The following FER variants were observed in gnomAD, a reference collection of about 807,000 sequenced individuals.
FER encodes tyrosine-protein kinase Fer.
In FER, 63 loss-of-function variants were observed where a neutral mutation model predicts 111.0. The ratio of observed to expected loss-of-function variants is 0.57; its 90% confidence interval spans 0.46 to 0.70. FER has a LOEUF of 0.70. Among genes scored for constraint, FER ranks in the 30% least tolerant of loss-of-function variants. The pLI, the probability that FER is intolerant of heterozygous loss-of-function variation, is 0.00. For missense variants in FER, 914 were observed against 954.0 expected (o/e 0.96, Z 0.55); for synonymous variants, 327 against 313.9 (o/e 1.04, Z -0.44).
intron 14 of FER, among the ~76,000 whole-genome samples, chr5:109,041,395 T>C (rs902175654): frequency 6.6e-6 from 1 of 151,748 alleles, no homozygotes; most frequent in Non-Finnish European, 1.5e-5. Flanking sequence ...TAAAAAGTGA[T>C]AGAACCGAAA....
intron 16 of FER, among the ~76,000 whole-genome samples, chr5:109,075,631 G>A (rs1205135485): frequency 6.6e-6 from 1 of 151,886 alleles, no homozygotes; most frequent in Admixed American, 6.6e-5. Flanking sequence ...CACCGTGTTA[G>A]CCAGGATGGT....
At chr5:108,866,479 A>G (rs1764076676) in intron 5 of FER, among the ~76,000 whole-genome samples, 1 of 152,182 alleles carries the variant, frequency 6.6e-6, no homozygotes, top group Non-Finnish European at 1.5e-5. Context: ...AGATATACCT[A>G]ATGTTAAATG....
intron 9 of FER, among the ~76,000 whole-genome samples, chr5:108,893,184 G>C (rs917104118): frequency 1.3e-5 from 2 of 152,064 alleles, no homozygotes; most frequent in African/African-American, 2.4e-5. Flanking sequence ...CTTTAAAGTA[G>C]TTTTTTCCAA....
At chr5:108,773,276 G>A (rs1753126357) in intron 2 of FER, among the ~76,000 whole-genome samples, 1 of 151,994 alleles carries the variant, frequency 6.6e-6, no homozygotes, top group African/African-American at 2.4e-5. Flanking sequence ...TCGCTGCACA[G>A]ATCATCCCAT....
In FER at chr5:108,871,509, C is replaced by T; in HGVS notation, c.803+7C>T. On this transcript the variant is annotated splice_region_variant and intron_variant, in intron 7 of 19. Coordinates refer to ENST00000281092, the MANE Select transcript of FER (RefSeq NM_005246.4). ...ATTTCATAGATGTTCACAGGTATGA[C>T]ATGTTTATTCCTCTTTAAGGATTTA... 6.3e-7 allele frequency: 1 copy of T among 1,586,676 alleles called. No individual in the cohort carries two copies. The highest frequency in any genetic ancestry group is 8.6e-7 in the Non-Finnish European group (1 of 1,163,382).
At chr5:109,030,181 T>G (rs1220902159) in intron 13 of FER, among the ~76,000 whole-genome samples, 1 of 152,176 alleles carries the variant, frequency 6.6e-6, no homozygotes, top group Non-Finnish European at 1.5e-5. Context: ...TTTAATAACT[T>G]CTGTTTCTAT....
In FER at chr5:108,946,081, A is replaced by G. The variant is rs116122651; in HGVS notation, c.1237-49A>G. The G allele has an allele frequency of 2.1e-3, 2,610 of 1,269,752 alleles. 39 individuals are homozygous for G. The African/African-American group carries it at 0.035, about 17-fold the overall frequency. 78.7% of individuals were successfully genotyped at this position (1,269,752 alleles called of 1,614,324 possible). On this transcript the variant is annotated intron_variant, in intron 10 of 19. Transcript: ENST00000281092. ...TACCTAAATACATAAATGTCTATAC[A>G]TATTGGATAGTTTACTGTTGCTGAA...
intron 5 of FER, among the ~76,000 whole-genome samples, chr5:108,867,351 C>T (rs1032309120): frequency 3.3e-5 from 5 of 152,086 alleles, no homozygotes; most frequent in Admixed American, 2.6e-4. Flanking sequence ...CACAAAGCCT[C>T]CTCTGACTAC....
intron 3 of FER, among the ~76,000 whole-genome samples, chr5:108,801,278 C>T (rs2150052351): frequency 6.6e-6 from 1 of 152,286 alleles, no homozygotes; most frequent in Non-Finnish European, 1.5e-5. Flanking sequence ...CATTGAATTG[C>T]CTTTGCATCT....
intron 3 of FER, among the ~76,000 whole-genome samples, chr5:108,817,483 T>C (rs2150093915): frequency 6.6e-6 from 1 of 152,280 alleles, no homozygotes; most frequent in South Asian, 2.1e-4. Context: ...TTTAAAAAAA[T>C]TCAAGCAAAA....
chr5:108,845,123 C>G (rs796709941), intron 5 of FER, among the ~76,000 whole-genome samples: 15 of 135,444 alleles, frequency 1.1e-4, no homozygotes, highest in Admixed American at 3.1e-4. Flanking sequence ...TAACTTTTAT[C>G]CTATGGACTT....
chr5:108,769,966 G>A (rs1259043926), intron 2 of FER, among the ~76,000 whole-genome samples: 1 of 149,700 alleles, frequency 6.7e-6, no homozygotes, highest in African/African-American at 2.5e-5. Flanking sequence ...ATTTTTTTTT[G>A]AGACGGAGCT....
intron 10 of FER, among the ~76,000 whole-genome samples, chr5:108,926,113 G>A (rs1163279544): frequency 1.4e-5 from 2 of 147,504 alleles, no homozygotes; most frequent in African/African-American, 2.5e-5. Context: ...AACATTTTGT[G>A]CTTTTTATTT....
chr5:109,090,573 C>G (rs1400786119), intron 16 of FER, among the ~76,000 whole-genome samples: 1 of 151,898 alleles, frequency 6.6e-6, no homozygotes, highest in African/African-American at 2.4e-5. Flanking sequence ...CATGGGAACA[C>G]AGACAATTAA....
chr5:108,966,470 C>T (rs575347135), intron 13 of FER, among the ~76,000 whole-genome samples: 1 of 150,406 alleles, frequency 6.6e-6, no homozygotes, highest in Admixed American at 6.6e-5. Context: ...TCACTGCAAC[C>T]TCCACCTCCT....
chr5:109,058,724 CTTTTTTTT>C (rs746184286), intron 16 of FER, among the ~76,000 whole-genome samples: 7 of 76,254 alleles, frequency 9.2e-5, no homozygotes, highest in East Asian at 3.7e-4. Flanking sequence ...TTCTTTCTTT[CTTTTTTTT>C]TTTTTTTTTT....
intron 16 of FER, among the ~76,000 whole-genome samples, chr5:109,066,380 T>A (rs1775094416): frequency 6.6e-6 from 1 of 152,182 alleles, no homozygotes; most frequent in South Asian, 2.1e-4. Context: ...TTATATGTGC[T>A]TTTTTAAAAT....
chr5:109,084,539 G>T (rs1777344018), intron 16 of FER, among the ~76,000 whole-genome samples: 1 of 151,790 alleles, frequency 6.6e-6, no homozygotes, highest in Admixed American at 6.6e-5. Context: ...CCAATTGTAT[G>T]GTTTACTTAT....
chr5:108,769,334 G>A (rs1752650353), intron 2 of FER, among the ~76,000 whole-genome samples: 1 of 152,108 alleles, frequency 6.6e-6, no homozygotes, highest in African/African-American at 2.4e-5. Context: ...CTCATTAGAA[G>A]GAATATGGTG....
Sources: gnomAD v4.1 joint callset for allele counts (sites outside exome capture counted in the v4.1 genomes callset) on GRCh38, gnomAD v4.1.1 for gene constraint, MANE v1.5 for transcripts, NCBI Gene and HGNC (gene_info 2026-07-23, HGNC 2026-07-21) for gene names.